The following PRCP variants were observed in gnomAD, a reference collection of about 807,000 sequenced individuals.
PRCP encodes lysosomal Pro-X carboxypeptidase.
PRCP carries 46 observed loss-of-function variants against 54.2 expected under a neutral mutation model. The ratio of observed to expected loss-of-function variants is 0.85; its 90% CI spans 0.67 to 1.09. PRCP has a LOEUF of 1.09. Ranked by LOEUF, PRCP falls within the 50% of genes least tolerant of loss-of-function variation. The probability of loss-of-function intolerance (pLI) is 0.00; values close to 1 mark genes in which losing one functional copy is unlikely to be tolerated. For missense variants in PRCP, 613 were observed against 596.8 expected (o/e 1.03, Z -0.28); for synonymous variants, 240 against 212.2 (o/e 1.13, Z -1.14).
intron 1 of PRCP, among the ~76,000 whole-genome samples, chr11:82,863,839 G>A (rs1859267583): frequency 6.6e-6 from 1 of 152,132 alleles, no homozygotes; most frequent in Non-Finnish European, 1.5e-5. Flanking sequence ...CCAGCAATCA[G>A]CCTTGATTGT....
chr11:82,825,761 T>A (rs1428482254), intron 8 of PRCP: 1 of 152,288 alleles, frequency 6.6e-6, no homozygotes, highest in African/African-American at 2.4e-5. Flanking sequence ...TCCGAAAATT[T>A]GGGCATTACA....
At chr11:82,872,320 T>TC (rs1030982083) in intron 1 of PRCP, among the ~76,000 whole-genome samples, 1 of 152,064 alleles carries the variant, frequency 6.6e-6, no homozygotes. Context: ...TTGCATAGCA[T>TC]CCCCCCAAAA....
At chr11:82,871,182 T>TTC (rs1479546306) in intron 1 of PRCP, among the ~76,000 whole-genome samples, 6 of 148,008 alleles carry the variant, frequency 4.1e-5, no homozygotes, top group Admixed American at 2.7e-4. Context: ...TTTCTCTTTT[T>TTC]TTTTTTTTTT....
At chr11:82,843,057 C>T (rs1565220542) in intron 6 of PRCP, 1 of 152,492 alleles carries the variant, frequency 6.6e-6, no homozygotes, top group African/African-American at 2.4e-5. Context: ...TGCCTGTAAT[C>T]CCAGCACTTT....
chr11:82,835,692 C>A, intron 8 of PRCP: 1 of 308,720 alleles, frequency 3.2e-6, no homozygotes. Flanking sequence ...AAAGACATTT[C>A]TGATGTTCTA....
chr11:82,901,236 C>A (rs955264198), upstream of PRCP, among the ~76,000 whole-genome samples: 1 of 152,154 alleles, frequency 6.6e-6, no homozygotes, highest in African/African-American at 2.4e-5. Context: ...GTCCACATCG[C>A]CCCTAAATCC....
intron 1 of PRCP, among the ~76,000 whole-genome samples, chr11:82,885,708 C>A (rs547518227): frequency 1.8e-4 from 28 of 152,324 alleles, no homozygotes; most frequent in African/African-American, 6.5e-4. Context: ...ATGCAAGGAC[C>A]TTTCACTCTT....
rs1858880206 is a variant in PRCP at position 82,849,066 on chromosome 11, G to C, written c.904C>G (p.Pro302Ala). 1 of 1,613,544 alleles carries C rather than the reference G, an allele frequency of 6.2e-7. No homozygotes were observed. Among genetic ancestry groups the C allele is most frequent in the Admixed American group, 1.7e-5 (1 of 59,950 alleles). Reference protein sequence around the residue: ...PYASNFLQPLPAWPIKVVCQY... With the variant: ...PYASNFLQPLAAWPIKVVCQY... ...CCTATTACCTTGATAGGCCAAGCAG[G>C]CAAAGGCTGTAAAAAGTTAGAGGCA... The change falls in exon 6 of 9, where the codon CCT (proline) becomes GCT (alanine). Residue 302 changes from proline (P) to alanine (A), a missense_variant. By Grantham distance (27) the Pro-to-Ala change is conservative. Transcript: ENST00000313010.
At chr11:82,827,376 G>A (rs1858262269) in intron 8 of PRCP, 1 of 152,114 alleles carries the variant, frequency 6.6e-6, no homozygotes, top group African/African-American at 2.4e-5. Context: ...TTTCCTCTAT[G>A]AGATTTATCA....
intron 3 of PRCP, among the ~76,000 whole-genome samples, chr11:82,851,634 G>A (rs1858958757): frequency 6.6e-6 from 1 of 151,780 alleles, no homozygotes; most frequent in Admixed American, 6.6e-5. Flanking sequence ...AAACTATAAA[G>A]TAATAGATGT....
chr11:82,891,707 T>A (rs1458622652), intron 1 of PRCP, among the ~76,000 whole-genome samples: 1 of 152,162 alleles, frequency 6.6e-6, no homozygotes, highest in Non-Finnish European at 1.5e-5. Context: ...AGACATTCCC[T>A]GTGCCTAGAA....
chr11:82,843,737 G>A (rs1048498333), intron 6 of PRCP, among the ~76,000 whole-genome samples: 2 of 152,190 alleles, frequency 1.3e-5, no homozygotes, highest in Non-Finnish European at 2.9e-5. Flanking sequence ...AGCTGGGACT[G>A]AGGTTGCTAG....
At chr11:82,843,626 T>A (rs1858728755) in intron 6 of PRCP, among the ~76,000 whole-genome samples, 1 of 151,996 alleles carries the variant, frequency 6.6e-6, no homozygotes, top group African/African-American at 2.4e-5. Flanking sequence ...TGAACTTACT[T>A]TCTATTTATT....
chr11:82,858,280 TA>T (rs1859135958), intron 2 of PRCP: 1 of 152,210 alleles, frequency 6.6e-6, no homozygotes, highest in South Asian at 2.1e-4. Context: ...ACAAGAAACT[TA>T]CCTAAAGTCA....
At chr11:82,889,349 G>A (rs568170364) in intron 1 of PRCP, among the ~76,000 whole-genome samples, 1 of 141,882 alleles carries the variant, frequency 7.0e-6, no homozygotes, top group Non-Finnish European at 1.5e-5. Flanking sequence ...GGGTGACAGA[G>A]CAAGACTCTG....
intron 1 of PRCP, chr11:82,884,962 A>C (rs1859832282): frequency 1.3e-6 from 2 of 1,570,360 alleles, no homozygotes; most frequent in Non-Finnish European, 1.7e-6. Flanking sequence ...CAGCTCAAAC[A>C]ATATATGCCA....
intron 1 of PRCP, among the ~76,000 whole-genome samples, chr11:82,880,937 T>C (rs902047568): frequency 6.6e-6 from 1 of 151,866 alleles, no homozygotes; most frequent in East Asian, 1.9e-4. Flanking sequence ...ACAAACAGAA[T>C]CATCTTCCTA....
rs746795145 is a variant in PRCP at position 82,853,254 on chromosome 11, C to T, written c.334G>A (p.Glu112Lys). Reference sequence around the variant, plus strand: ...GCAAACACCAACATAGCTTTCAGTTCCTCAGCCACATCCCACATGAACCCC... The same window carrying T: ...GCAAACACCAACATAGCTTTCAGTTTCTCAGCCACATCCCACATGAACCCC... ...NTGFMWDVAE[E>K]LKAMLVFAEH... The change falls in exon 3 of 9, where the codon GAA (glutamate) becomes AAA (lysine). Residue 112 changes from glutamate to lysine, a missense_variant. Physicochemically the swap from Glu to Lys is moderately conservative, Grantham distance 56. Transcript: ENST00000313010. 1.4e-5 allele frequency: 22 copies of T among 1,612,560 alleles called. No homozygotes were observed. The East Asian group carries it at 4.9e-4, about 36-fold the overall frequency.
intron 1 of PRCP, among the ~76,000 whole-genome samples, chr11:82,864,788 G>T (rs1378059192): frequency 6.6e-6 from 1 of 152,008 alleles, no homozygotes; most frequent in African/African-American, 2.4e-5. Context: ...ACTTTACCAT[G>T]TGGAGGAGAA....
Sources: gnomAD v4.1 joint callset for allele counts (sites outside exome capture counted in the v4.1 genomes callset) on GRCh38, gnomAD v4.1.1 for gene constraint, MANE v1.5 for transcripts, NCBI Gene and HGNC (gene_info 2026-07-23, HGNC 2026-07-21) for gene names.